PDCD6IP: variants seen among roughly 807,000 people sequenced by gnomAD.
The protein encoded by PDCD6IP is programmed cell death 6-interacting protein.
Under a neutral mutation model 103.7 loss-of-function variants are expected in PDCD6IP, and 43 were observed. The ratio of observed to expected loss-of-function variants is 0.41; its 90% confidence interval spans 0.32 to 0.53. PDCD6IP has a LOEUF of 0.53. PDCD6IP is among the 20% of genes least tolerant of loss of function. The pLI is 0.16. For missense variants in PDCD6IP, 871 were observed against 1,036.7 expected, an observed-to-expected ratio of 0.84 and a Z score of 2.20; for synonymous variants, 354 against 378.7, an observed-to-expected ratio of 0.93 and a Z score of 0.76.
chr3:33,829,813 T>C (rs1697207912), intron 7 of PDCD6IP, among the ~76,000 whole-genome samples: 1 of 152,130 alleles, frequency 6.6e-6, no homozygotes, highest in Admixed American at 6.6e-5. Flanking sequence ...AGAACAGAAA[T>C]TTGTCACAAT....
intron 15 of PDCD6IP, among the ~76,000 whole-genome samples, chr3:33,858,527 G>A (rs951847723): frequency 1.5e-4 from 23 of 151,666 alleles, no homozygotes; most frequent in African/African-American, 5.3e-4. Flanking sequence ...ATAAACATAT[G>A]CGGCCAGGCG....
At chr3:33,864,292 C>G (rs1291695574) in intron 16 of PDCD6IP, among the ~76,000 whole-genome samples, 163 bp downstream of exon 16, 1 of 152,142 alleles carries the variant, frequency 6.6e-6, no homozygotes, top group African/African-American at 2.4e-5. Context: ...CAGCATCATT[C>G]AAGAATTCTT....
intron 3 of PDCD6IP, among the ~76,000 whole-genome samples, chr3:33,815,111 AT>A (rs925390723): frequency 6.7e-6 from 1 of 149,120 alleles, no homozygotes; most frequent in Non-Finnish European, 1.5e-5. Context: ...GTATCTATAT[AT>A]CTTATATAAG....
intron 7 of PDCD6IP, chr3:33,835,332 C>T: frequency 4.4e-6 from 2 of 456,646 alleles, no homozygotes; most frequent in Non-Finnish European, 8.8e-6. Context: ...CATCTCAATT[C>T]TCTGTGTTGT....
chr3:33,844,824 A>G (rs1697556301), intron 11 of PDCD6IP, among the ~76,000 whole-genome samples: 1 of 152,038 alleles, frequency 6.6e-6, no homozygotes, highest in Non-Finnish European at 1.5e-5. Context: ...TATTACATTT[A>G]TGGCTTTGTA....
chr3:33,819,310 C>A (rs1696933860), intron 3 of PDCD6IP, among the ~76,000 whole-genome samples: 1 of 151,770 alleles, frequency 6.6e-6, no homozygotes, highest in Non-Finnish European at 1.5e-5. Flanking sequence ...TTAAAAAATC[C>A]TTTTCTTTTA....
At chr3:33,839,589 G>A (rs569349049) in intron 9 of PDCD6IP, among the ~76,000 whole-genome samples, 1 of 152,298 alleles carries the variant, frequency 6.6e-6, no homozygotes, top group South Asian at 2.1e-4. Flanking sequence ...AAATCTTCGT[G>A]TGGACATATT....
Position 33,806,204 on chromosome 3 carries a change from A to G in PDCD6IP, c.210-5868A>G, listed in dbSNP as rs185523463. On this transcript the variant is annotated intron_variant, in intron 1 of 17. Coordinates refer to ENST00000307296, the MANE Select transcript of PDCD6IP (RefSeq NM_013374.6). Reference sequence around the variant, plus strand: ...AGTTTTATAAAATACTGGAGAACATATATAAGTACTTCTCCATTGTTGCAA... The same window carrying G: ...AGTTTTATAAAATACTGGAGAACATGTATAAGTACTTCTCCATTGTTGCAA... Among the ~76,000 whole-genome samples the G allele has an allele frequency of 1.7e-4, 26 of 152,342 alleles. No individual in the cohort carries two copies. The East Asian group carries it at 4.0e-3, about 24-fold the overall frequency.
intron 3 of PDCD6IP, among the ~76,000 whole-genome samples, chr3:33,819,862 A>G (rs1411628771): frequency 2.0e-5 from 3 of 152,262 alleles, no homozygotes; most frequent in African/African-American, 7.2e-5. Flanking sequence ...GTGATACAAT[A>G]TACACAATAT....
chr3:33,815,072 T>C (rs559985335), intron 3 of PDCD6IP, among the ~76,000 whole-genome samples: 16 of 149,002 alleles, frequency 1.1e-4, no homozygotes, highest in African/African-American at 2.0e-4. Context: ...ATATGTATTA[T>C]ATAGTATGTG....
chr3:33,838,477 C>T, intron 9 of PDCD6IP, 150 bp downstream of exon 9: 4 of 697,088 alleles, frequency 5.7e-6, no homozygotes, highest in Non-Finnish European at 9.4e-6. Flanking sequence ...TTGTTGGACA[C>T]TGTATTTATG....
intron 12 of PDCD6IP, among the ~76,000 whole-genome samples, chr3:33,846,362 C>A (rs2125569068): frequency 1.3e-5 from 2 of 152,312 alleles, no homozygotes; most frequent in Admixed American, 1.3e-4. Context: ...TACTGGATAT[C>A]TGCTCTGTGT....
At chr3:33,860,156 T>C (rs947899737) in intron 15 of PDCD6IP, among the ~76,000 whole-genome samples, 1 of 152,192 alleles carries the variant, frequency 6.6e-6, no homozygotes, top group African/African-American at 2.4e-5. Flanking sequence ...GGAAGAAAGA[T>C]TGGAATATCG....
chr3:33,843,622 A>G (rs1170745825), intron 10 of PDCD6IP, among the ~76,000 whole-genome samples: 3 of 152,174 alleles, frequency 2.0e-5, no homozygotes. Flanking sequence ...CACTGTGTCT[A>G]CTGGTAGATT....
chr3:33,799,053 C>G, intron 1 of PDCD6IP, 116 bp downstream of exon 1: 1 of 1,016,166 alleles, frequency 9.8e-7, no homozygotes, highest in Non-Finnish European at 1.4e-6. Flanking sequence ...CCGTCCCGGC[C>G]TGACCAGGCG....
In PDCD6IP at chr3:33,810,426, T is replaced by G. The variant is rs1337169823; in HGVS notation, c.210-1646T>G. ...TAACTTTCTGGCATAGCAAGATGTT[T>G]TAGACTTGAATATTGAATTTTTTCA... On this transcript the variant is annotated intron_variant, in intron 1 of 17. Coordinates refer to ENST00000307296, the MANE Select transcript of PDCD6IP (RefSeq NM_013374.6). 2.0e-5 allele frequency among the ~76,000 whole-genome samples: 3 copies of G among 152,294 alleles called. No individual in the cohort carries two copies. In the East Asian group the frequency reaches 5.8e-4, roughly 29 times the overall value.
At chr3:33,855,858 A>C (rs751612649) in intron 15 of PDCD6IP, among the ~76,000 whole-genome samples, 1 of 152,180 alleles carries the variant, frequency 6.6e-6, no homozygotes. Flanking sequence ...AGCTAAACAA[A>C]AACAACAACA....
rs1697004257 is a variant in PDCD6IP at position 33,822,044 on chromosome 3, A to G, written c.424A>G (p.Asn142Asp). 6.2e-7 allele frequency: 1 copy of G among 1,614,004 alleles called. No individual in the cohort carries two copies. Among genetic ancestry groups the G allele is most frequent in the African/African-American group, 1.3e-5 (1 of 74,936 alleles). ...AATTGCAGCAGAACAGAACCTGGAT[A>G]ATGATGAAGGATTGAAAATCGCTGC... The part of the protein sequence containing the change: ...SQIAAEQNLD[N>D]DEGLKIAAKH... The change falls in exon 4 of 18, where the codon AAT becomes GAT. Residue 142 changes from asparagine (N) to aspartate (D), a missense_variant. By Grantham distance (23) the Asn-to-Asp change is conservative (BLOSUM62 1). This residue lies in a region of PDCD6IP where 47 missense variants were observed against 83.7 expected (regional missense o/e 0.56). Transcript: ENST00000307296.
intron 7 of PDCD6IP, among the ~76,000 whole-genome samples, chr3:33,830,590 A>G (rs1697223875): frequency 6.6e-6 from 1 of 152,166 alleles, no homozygotes; most frequent in Admixed American, 6.6e-5. Context: ...TAAAGTTAAG[A>G]CAGAAGTTGG....
Sources: gnomAD v4.1 joint callset for allele counts (sites outside exome capture counted in the v4.1 genomes callset) on GRCh38, gnomAD v4.1.1 for gene constraint, gnomAD v4.1.1 regional missense constraint, MANE v1.5 for transcripts, NCBI Gene and HGNC (gene_info 2026-07-23, HGNC 2026-07-21) for gene names.